The following TTLL7 variants were observed in gnomAD, a reference collection of about 807,000 sequenced individuals.
TTLL7 encodes the protein tubulin polyglutamylase TTLL7.
In TTLL7, 53 loss-of-function variants were observed where a neutral mutation model predicts 120.2. That is an observed-to-expected ratio of 0.44 (90% CI 0.35 to 0.55). The LOEUF is 0.55. Ranked by LOEUF, TTLL7 falls within the 20% of genes least tolerant of loss-of-function variation. TTLL7 has a pLI of 0.00. For synonymous variants in TTLL7, 353 were observed against 351.7 expected (o/e 1.00, Z -0.04); for missense variants, 803 against 1,054.7 (o/e 0.76, Z 3.31).
At chr1:83,933,535 C>T in intron 9 of TTLL7, 73 bp downstream of exon 9, 1 of 1,480,136 alleles carries the variant, frequency 6.8e-7, no homozygotes, top group South Asian at 1.3e-5. Flanking sequence ...GTGTTAAGTA[C>T]ACATTTTTAA....
intron 1 of TTLL7, among the ~76,000 whole-genome samples, chr1:83,976,482 C>G (rs942598160): frequency 1.3e-5 from 2 of 151,942 alleles, no homozygotes; most frequent in African/African-American, 4.8e-5. Context: ...GTTTTTTTCA[C>G]TAGGTACAGC....
chr1:83,902,327 T>C (rs1186235009), intron 18 of TTLL7: 1 of 151,894 alleles, frequency 6.6e-6, no homozygotes, highest in South Asian at 2.1e-4. Context: ...TATAGCAAAA[T>C]TCCTTGAAAA....
chr1:83,887,604 C>T (rs1014001077), intron 19 of TTLL7, among the ~76,000 whole-genome samples: 2 of 152,058 alleles, frequency 1.3e-5, no homozygotes, highest in Non-Finnish European at 2.9e-5. Flanking sequence ...AAAACTACTC[C>T]TGCCTCACCT....
At position 83,960,867 on chromosome 1, in the gene TTLL7, A is replaced by G. The variant is rs1358572481; in HGVS notation, c.-176-8480T>C. ...ATTGCCACCACTCATTGTGTGTACA[A>G]ATTGAAAGGGTATTTAGAGAAGCTA... On this transcript the variant is annotated intron_variant, in intron 1 of 20. Transcript: ENST00000260505. Among the ~76,000 whole-genome samples the G allele has an allele frequency of 2.6e-5, 4 of 152,196 alleles. No individual in the cohort carries two copies. The East Asian group carries it at 5.8e-4, about 22-fold the overall frequency.
At position 83,865,956 on chromosome 1, in the gene TTLL7, A is replaced by T. The variant is rs1652886363; in HGVS notation, c.*4006T>A. On this transcript the variant is annotated 3_prime_UTR_variant, in exon 21 of 21. Transcript: ENST00000260505. ...AATTTTTATTTATTTATAAGTCAACATTAGCCCAAAATATTTAGATAACTA... is the reference window on the plus strand; with the variant it reads ...AATTTTTATTTATTTATAAGTCAACTTTAGCCCAAAATATTTAGATAACTA... The T allele has an allele frequency of 6.6e-6, 1 of 151,984 alleles. No homozygotes were observed. The allele number at this position is 151,984 out of a possible 1,614,324, so 9.4% of individuals were successfully genotyped here.
In TTLL7 at chr1:83,938,022, A is replaced by G; in HGVS notation, c.724-6T>C. On this transcript the variant is annotated splice_region_variant and splice_polypyrimidine_tract_variant and intron_variant, in intron 7 of 20. Coordinates refer to ENST00000260505, the MANE Select transcript of TTLL7 (RefSeq NM_024686.6). ...AGATGCATGTATAACTGGGTCTGTAACAAGTAAGAACCAAAGTTGTTACCA... is the reference window on the plus strand; with the variant it reads ...AGATGCATGTATAACTGGGTCTGTAGCAAGTAAGAACCAAAGTTGTTACCA... 6.2e-7 allele frequency: 1 copy of G among 1,613,692 alleles called. No individual in the cohort carries two copies. The highest frequency in any genetic ancestry group is 8.5e-7 in the Non-Finnish European group (1 of 1,179,646).
At chr1:83,882,271 TAAATA>T (rs1282882938) in intron 20 of TTLL7, among the ~76,000 whole-genome samples, 1 of 148,912 alleles carries the variant, frequency 6.7e-6, no homozygotes, top group Non-Finnish European at 1.5e-5. Context: ...TAATAATAAT[TAAATA>T]AAACAATAAA....
chr1:83,895,627 T>C (rs1198169714), intron 18 of TTLL7, among the ~76,000 whole-genome samples: 9 of 152,068 alleles, frequency 5.9e-5, no homozygotes, highest in African/African-American at 2.2e-4. Flanking sequence ...GTTATGAAAA[T>C]TTTTTTGGTC....
intron 7 of TTLL7, among the ~76,000 whole-genome samples, chr1:83,941,475 C>T (rs1647964191): frequency 6.6e-6 from 1 of 152,122 alleles, no homozygotes; most frequent in Non-Finnish European, 1.5e-5. Flanking sequence ...TTGACAGTTT[C>T]CTTATTCTTC....
At position 83,883,133 on chromosome 1, in the gene TTLL7, G is replaced by A. The variant is rs1265737265; in HGVS notation, c.2373C>T (p.Ser791=). 3 of 1,583,722 alleles carry A rather than the reference G, an allele frequency of 1.9e-6. No homozygotes were observed. Among genetic ancestry groups the A allele is most frequent in the Non-Finnish European group, 2.6e-6 (3 of 1,164,074 alleles). Residue 791 remains serine, a synonymous_variant, in exon 20 of 21, where the codon TCC becomes TCT. Transcript: ENST00000260505. The part of the protein sequence containing the change: ...GLWNCFCDSG[S]SWESIFNKSP... ...TTTTATTGAATATACTCTCCCAAGA[G>A]GATCTGTTGGCATGGAAACAGACAT...
rs1648763557 is a variant in TTLL7, at chr1:83,948,915, A to G, written c.280-220T>C. 3 of 386,970 alleles carry G rather than the reference A, an allele frequency of 7.8e-6. No homozygotes were observed. The East Asian group carries it at 1.3e-4, about 16-fold the overall frequency. 24.0% of individuals were successfully genotyped at this position (386,970 alleles called of 1,614,324 possible). A position where few individuals can be genotyped will look rare whatever the true frequency, so the allele number is the denominator to read the frequency against. On this transcript the variant is annotated intron_variant, in intron 4 of 20. Coordinates refer to ENST00000260505, the MANE Select transcript of TTLL7 (RefSeq NM_024686.6). Reference sequence around the variant, plus strand: ...CAAAATTTTAAAGAAAACACAAAAGAATATCTACATAGATAGTAAAGTTAT... The same window carrying G: ...CAAAATTTTAAAGAAAACACAAAAGGATATCTACATAGATAGTAAAGTTAT...
rs1396898575 is a variant in TTLL7, at chr1:83,911,422, G to A, written c.1588-59C>T. ...ATTCTTAAAAAAGGTTTATTGATAT[G>A]ATTAGTTACTATTTTTAATTTCCCC... On this transcript the variant is annotated intron_variant, in intron 14 of 20. Coordinates refer to ENST00000260505, the MANE Select transcript of TTLL7 (RefSeq NM_024686.6). 5.2e-6 allele frequency: 7 copies of A among 1,350,494 alleles called. No homozygotes were observed. In the East Asian group the frequency reaches 1.7e-4, roughly 32 times the overall value. The allele number at this position is 1,350,494 out of a possible 1,614,324, so 83.7% of individuals were successfully genotyped here. A position where few individuals can be genotyped will look rare whatever the true frequency, so the allele number is the denominator to read the frequency against.
intron 18 of TTLL7, among the ~76,000 whole-genome samples, chr1:83,900,625 C>T (rs1656640127): frequency 6.6e-6 from 1 of 151,922 alleles, no homozygotes. Context: ...CGCACAGCAC[C>T]ATTACTTCAC....
rs1652828550 is a variant in TTLL7, at chr1:83,865,053, T to C, written c.*4909A>G. 2 of 151,746 alleles carry C rather than the reference T, an allele frequency of 1.3e-5. No individual in the cohort carries two copies. The highest frequency in any genetic ancestry group is 2.9e-5 in the Non-Finnish European group (2 of 67,852). 9.4% of individuals were successfully genotyped at this position (151,746 alleles called of 1,614,324 possible). ...TTTCTTAGGTTAAACTTTTTTATTA[T>C]AGTAATGTATCAGAGTAATTGAAAT... On this transcript the variant is annotated 3_prime_UTR_variant, in exon 21 of 21. Coordinates refer to ENST00000260505, the MANE Select transcript of TTLL7 (RefSeq NM_024686.6).
At chr1:83,907,166 C>T (rs1376822365) in intron 16 of TTLL7, among the ~76,000 whole-genome samples, 3 of 152,002 alleles carry the variant, frequency 2.0e-5, no homozygotes, top group Admixed American at 1.3e-4. Flanking sequence ...CAAAACCATA[C>T]ATTTCCTCAG....
In TTLL7 at chr1:83,870,100, C is replaced by A. The variant is rs775780113; in HGVS notation, c.2544-18G>T. ...GTAAATACCTAAAAATGATGGTTAA[C>A]AAATTAGATTTTTACAAGCAAATTA... On this transcript the variant is annotated intron_variant, in intron 20 of 20. Transcript: ENST00000260505. 5 of 1,532,078 alleles carry A rather than the reference C, an allele frequency of 3.3e-6. No individual in the cohort carries two copies. Among genetic ancestry groups the A allele is most frequent in the African/African-American group, 1.4e-5 (1 of 70,148 alleles). 94.9% of individuals were successfully genotyped at this position (1,532,078 alleles called of 1,614,324 possible). A position where few individuals can be genotyped will look rare whatever the true frequency, so the allele number is the denominator to read the frequency against.
chr1:83,891,314 G>GA (rs1262306146), intron 18 of TTLL7, among the ~76,000 whole-genome samples: 2 of 151,766 alleles, frequency 1.3e-5, no homozygotes, highest in Admixed American at 1.3e-4. Context: ...AGGCATTTCA[G>GA]AAAAAAGGAA....
At chr1:83,917,542 A>T in intron 14 of TTLL7, 62 bp downstream of exon 14, 1 of 1,185,986 alleles carries the variant, frequency 8.4e-7, no homozygotes, top group Admixed American at 1.8e-5. Context: ...TCTTATAGTG[A>T]GAAGTATCAA....
In TTLL7 at chr1:83,904,158, A is replaced by T. The variant is rs1201713736; in HGVS notation, c.2129T>A (p.Ile710Asn). The T allele has an allele frequency of 1.9e-6, 3 of 1,610,376 alleles. No individual in the cohort carries two copies. The Admixed American group carries it at 5.0e-5, about 27-fold the overall frequency. ...DAESELLIED[I>N]IDNWKYHKTK... ...TTTATGATACTTCCAGTTATCAATG[A>T]TCTGTTTGGAAGGAGGAACATTAAG... is the stretch of plus-strand genomic sequence containing the variant. Residue 710 changes from isoleucine to asparagine, a missense_variant and splice_region_variant, in exon 18 of 21, where the codon ATC becomes AAC. Physicochemically the swap from Ile to Asn is moderately radical, Grantham distance 149 (BLOSUM62 -3). This residue lies in a region of TTLL7 where 388 missense variants were observed against 450.4 expected (regional missense o/e 0.86). Coordinates refer to ENST00000260505, the MANE Select transcript of TTLL7 (RefSeq NM_024686.6).
Sources: gnomAD v4.1 joint callset for allele counts (sites outside exome capture counted in the v4.1 genomes callset) on GRCh38, gnomAD v4.1.1 for gene constraint, gnomAD v4.1.1 regional missense constraint, MANE v1.5 for transcripts, NCBI Gene and HGNC (gene_info 2026-07-23, HGNC 2026-07-21) for gene names.